Variants in EDEM3 observed in about 807,000 individuals in gnomAD.
EDEM3 encodes ER degradation enhancing alpha-mannosidase like protein 3.
EDEM3 carries 60 observed loss-of-function variants against 110.2 expected under a neutral mutation model. That is an observed-to-expected ratio of 0.54 (90% CI 0.44 to 0.67). EDEM3 has a LOEUF of 0.67. Among genes scored for constraint, EDEM3 ranks in the 30% least tolerant of loss-of-function variants. The pLI, the probability that EDEM3 is intolerant of heterozygous loss-of-function variation, is 0.00. For missense variants in EDEM3, 996 were observed against 1,121.0 expected, an observed-to-expected ratio of 0.89 and a Z score of 1.59; for synonymous variants, 352 against 382.9, an observed-to-expected ratio of 0.92 and a Z score of 0.94.
intron 19 of EDEM3, among the ~76,000 whole-genome samples, chr1:184,696,829 T>TC (rs1649355708): frequency 6.6e-6 from 1 of 152,006 alleles, no homozygotes. Context: ...GAGGAAAAGG[T>TC]GTAGGGTTGT....
At chr1:184,751,325 A>G (rs1652755003) in intron 1 of EDEM3, among the ~76,000 whole-genome samples, 1 of 152,140 alleles carries the variant, frequency 6.6e-6, no homozygotes, top group Admixed American at 6.5e-5. Flanking sequence ...CTGAAATGGA[A>G]TACGAGATTA....
At chr1:184,753,514 A>G (rs531195171) in intron 1 of EDEM3, among the ~76,000 whole-genome samples, 2 of 152,076 alleles carry the variant, frequency 1.3e-5, no homozygotes. Flanking sequence ...TCAGAAATAG[A>G]ACTGATGAAT....
At position 184,700,314 on chromosome 1, in the gene EDEM3, G is replaced by C. The variant is rs181568016; in HGVS notation, c.2389+2497C>G. Among the ~76,000 whole-genome samples, 144 of 152,050 alleles carry C rather than the reference G, an allele frequency of 9.5e-4. 1 individual carries two copies. Among genetic ancestry groups the C allele is most frequent in the African/African-American group, 3.3e-3 (139 of 41,532 alleles). On this transcript the variant is annotated intron_variant, in intron 19 of 19. Coordinates refer to ENST00000318130, the MANE Select transcript of EDEM3 (RefSeq NM_025191.4). ...TGAAAAGGACTTCTTAATCAGCATT[G>C]TGTGACTTCATATGGAAAAATACGT...
intron 2 of EDEM3, 41 bp from the exon 3 acceptor site, chr1:184,737,752 G>A (rs760552180): frequency 3.1e-5 from 47 of 1,521,052 alleles, no homozygotes; most frequent in Non-Finnish European, 4.1e-5. Flanking sequence ...GAAAATAAGC[G>A]AAAGCACACA....
chr1:184,695,689 C>G (rs955765030), intron 19 of EDEM3, among the ~76,000 whole-genome samples: 2 of 151,740 alleles, frequency 1.3e-5, no homozygotes, highest in Non-Finnish European at 2.9e-5. Context: ...GTGCAGAACC[C>G]ACAGATACAG....
In EDEM3 at chr1:184,695,173, C is replaced by T. The variant is rs145922334; in HGVS notation, c.2390-701G>A. 2.8e-3 allele frequency among the ~76,000 whole-genome samples: 424 copies of T among 152,052 alleles called. 5 individuals carry two copies. In the East Asian group the frequency reaches 0.035, roughly 13 times the overall value. On this transcript the variant is annotated intron_variant, in intron 19 of 19. Transcript: ENST00000318130. ...AGTAGAGGCATTTTATTTAGGGTTC[C>T]TACAAGAAAGTGCTTAAATAGCATC...
At chr1:184,719,392 A>G in intron 10 of EDEM3, 51 bp downstream of exon 10, 1 of 1,587,174 alleles carries the variant, frequency 6.3e-7, no homozygotes, top group Non-Finnish European at 8.6e-7. Context: ...AAATGCGCCT[A>G]ATTAACATCA....
intron 14 of EDEM3, 26 bp downstream of exon 14, chr1:184,712,407 A>G: frequency 6.4e-7 from 1 of 1,567,350 alleles, no homozygotes; most frequent in Non-Finnish European, 8.6e-7. Flanking sequence ...AAAAAAGAGA[A>G]TAAGACATTT....
chr1:184,729,037 G>A (rs1044606662), intron 6 of EDEM3, among the ~76,000 whole-genome samples: 2 of 152,106 alleles, frequency 1.3e-5, no homozygotes, highest in Non-Finnish European at 2.9e-5. Flanking sequence ...TGGATCTAGG[G>A]GCTGGTAGAT....
intron 6 of EDEM3, among the ~76,000 whole-genome samples, chr1:184,732,623 T>C (rs1045486856): frequency 6.6e-6 from 1 of 152,126 alleles, no homozygotes; most frequent in African/African-American, 2.4e-5. Context: ...AAATCAGAAA[T>C]AAAACTTTTT....
intron 6 of EDEM3, among the ~76,000 whole-genome samples, chr1:184,731,312 A>C (rs992694045): frequency 1.3e-5 from 2 of 152,058 alleles, no homozygotes; most frequent in African/African-American, 4.8e-5. Flanking sequence ...AACCAATAAA[A>C]CTCCTTCAAC....
At chr1:184,735,592 G>A (rs570315967) in intron 4 of EDEM3, among the ~76,000 whole-genome samples, 4 of 152,232 alleles carry the variant, frequency 2.6e-5, no homozygotes, top group South Asian at 4.1e-4. Context: ...GATTTGATAC[G>A]TAAAAATTCT....
intron 19 of EDEM3, among the ~76,000 whole-genome samples, chr1:184,700,866 T>G (rs1649580176): frequency 6.6e-6 from 1 of 152,030 alleles, no homozygotes. Flanking sequence ...TTGTTGCTAA[T>G]TAATATAGCT....
At chr1:184,729,815 A>T (rs531160612) in intron 6 of EDEM3, among the ~76,000 whole-genome samples, 1 of 151,818 alleles carries the variant, frequency 6.6e-6, no homozygotes, top group Non-Finnish European at 1.5e-5. Flanking sequence ...CGCTCATAGT[A>T]TCTTCTGTTT....
intron 19 of EDEM3, chr1:184,701,654 G>A: frequency 3.1e-6 from 2 of 640,626 alleles, no homozygotes; most frequent in Non-Finnish European, 4.5e-6. Flanking sequence ...CATATATGTA[G>A]GCAAGAAGAT....
intron 1 of EDEM3, among the ~76,000 whole-genome samples, chr1:184,753,311 T>C (rs1280676456): frequency 5.9e-5 from 9 of 152,096 alleles, no homozygotes; most frequent in South Asian, 2.1e-4. Context: ...TCCAGTGACG[T>C]ACTTCCTTCT....
rs1384497892 is a variant in EDEM3 at position 184,732,692 on chromosome 1, T to C, written c.612+145A>G. 8.4e-5 allele frequency: 63 copies of C among 745,682 alleles called. No individual in the cohort carries two copies. In the East Asian group the frequency reaches 1.5e-3, roughly 18 times the overall value. 46.2% of individuals were successfully genotyped at this position (745,682 alleles called of 1,614,324 possible). A position where few individuals can be genotyped will look rare whatever the true frequency, so the allele number is the denominator to read the frequency against. ...TAGAAGTATAATCAGTTAATTGAAA[T>C]GAAAATATAAATTTGTTATATAGCT... On this transcript the variant is annotated intron_variant, in intron 6 of 19. Coordinates refer to ENST00000318130, the MANE Select transcript of EDEM3 (RefSeq NM_025191.4).
At chr1:184,738,214 C>T (rs952103313) in intron 2 of EDEM3, among the ~76,000 whole-genome samples, 41 of 152,158 alleles carry the variant, frequency 2.7e-4, no homozygotes, top group African/African-American at 9.2e-4. Flanking sequence ...TACTTATATT[C>T]TAAGTGATAT....
chr1:184,694,000 T>C lies in EDEM3; in HGVS notation c.*63A>G. On this transcript the variant is annotated 3_prime_UTR_variant, in exon 20 of 20. Transcript: ENST00000318130. The stretch of plus-strand genomic sequence containing the variant: ...AGAAAGCCTGCTTAGTATTAGGATG[T>C]CTATTAACCACACACAGTTTACCTT... 6.6e-7 allele frequency: 1 copy of C among 1,515,732 alleles called. No individual in the cohort carries two copies. The highest frequency in any genetic ancestry group is 1.3e-5 in the South Asian group (1 of 77,122). 93.9% of individuals were successfully genotyped at this position (1,515,732 alleles called of 1,614,324 possible).
Sources: allele counts gnomAD v4.1 joint callset (sites outside exome capture counted in the v4.1 genomes callset), GRCh38; gene constraint gnomAD v4.1.1; transcripts MANE v1.5; gene names NCBI Gene and HGNC (gene_info 2026-07-23, HGNC 2026-07-21).